Variants in CLGN observed in about 807,000 individuals in gnomAD.
CLGN encodes the protein testis tissue sperm-binding protein Li 79P.
CLGN carries 62 observed loss-of-function variants against 79.1 expected under a neutral mutation model. The ratio of observed to expected loss-of-function variants is 0.78; its 90% confidence interval spans 0.64 to 0.97. CLGN has a LOEUF of 0.97. Among genes scored for constraint, CLGN ranks in the 50% least tolerant of loss-of-function variants. The probability of loss-of-function intolerance (pLI) is 0.00; values close to 1 mark genes in which losing one functional copy is unlikely to be tolerated. For missense variants in CLGN, 647 were observed against 715.5 expected (o/e 0.90, Z 1.09); for synonymous variants, 225 against 224.7 (o/e 1.00, Z -0.01).
chr4:140,410,416 A>G (rs1169641510), intron 3 of CLGN, 137 bp downstream of exon 3: 1 of 642,636 alleles, frequency 1.6e-6, no homozygotes, highest in Admixed American at 2.9e-5. Context: ...TATACTAAGT[A>G]CTGATTTACA....
chr4:140,401,870 A>G (rs1729005833), intron 6 of CLGN, 115 bp downstream of exon 6: 3 of 608,560 alleles, frequency 4.9e-6, no homozygotes, highest in Middle Eastern at 4.4e-4. Flanking sequence ...TTGAAAAAAG[A>G]TATCTACAAT....
intron 1 of CLGN, among the ~76,000 whole-genome samples, chr4:140,416,959 C>T (rs1403310459): frequency 2.6e-5 from 4 of 152,170 alleles, no homozygotes; most frequent in Admixed American, 6.5e-5. Context: ...CAATAAAATA[C>T]TGCCAAACTG....
At chr4:140,424,259 T>C (rs1729521806) in intron 1 of CLGN, among the ~76,000 whole-genome samples, 1 of 152,206 alleles carries the variant, frequency 6.6e-6, no homozygotes, top group Non-Finnish European at 1.5e-5. Context: ...TTCTTGAGAC[T>C]TATTTGGCTC....
At chr4:140,421,373 C>A (rs1729466051) in intron 1 of CLGN, among the ~76,000 whole-genome samples, 1 of 152,068 alleles carries the variant, frequency 6.6e-6, no homozygotes. Context: ...AATCCTCATA[C>A]TGTTTTCCAC....
At chr4:140,425,761 T>A (rs374671429) in intron 1 of CLGN, among the ~76,000 whole-genome samples, 1 of 151,142 alleles carries the variant, frequency 6.6e-6, no homozygotes, top group African/African-American at 2.4e-5. Flanking sequence ...CCCGAGTAGC[T>A]GGGATTATAG....
intron 1 of CLGN, among the ~76,000 whole-genome samples, chr4:140,415,521 GA>G (rs1729311048): frequency 6.6e-6 from 1 of 151,528 alleles, no homozygotes; most frequent in African/African-American, 2.4e-5. Flanking sequence ...CCAAGCAAAT[GA>G]AAAACAAAAA....
chr4:140,404,234 C>CA (rs1729052259), intron 5 of CLGN, among the ~76,000 whole-genome samples: 1 of 151,984 alleles, frequency 6.6e-6, no homozygotes, highest in South Asian at 2.1e-4. Context: ...GCTGGGGCTA[C>CA]AGGCGCCTGC....
In CLGN at chr4:140,402,453, A is replaced by G. The variant is rs1024144213; in HGVS notation, c.420-387T>C. Reference sequence around the variant, plus strand: ...AAACTAAAAAAAAATAAAGGCCGTAAGAACCACAGCTACAGCAAGATTTCT... The same window carrying G: ...AAACTAAAAAAAAATAAAGGCCGTAGGAACCACAGCTACAGCAAGATTTCT... On this transcript the variant is annotated intron_variant, in intron 5 of 14. Transcript: ENST00000325617. Among the ~76,000 whole-genome samples the G allele has an allele frequency of 3.5e-4, 53 of 152,124 alleles. 1 individual carries two copies. Among genetic ancestry groups the G allele is most frequent in the Admixed American group, 3.2e-3 (49 of 15,286 alleles).
intron 1 of CLGN, among the ~76,000 whole-genome samples, chr4:140,418,060 T>C (rs1396609348): frequency 8.6e-5 from 13 of 151,092 alleles, no homozygotes; most frequent in African/African-American, 3.2e-4. Context: ...TATCTACAAC[T>C]ATCTGATCTT....
chr4:140,420,806 G>A (rs993174135), intron 1 of CLGN, among the ~76,000 whole-genome samples: 1 of 152,040 alleles, frequency 6.6e-6, no homozygotes, highest in African/African-American at 2.4e-5. Context: ...TCAGATGCTG[G>A]GGTAATACTA....
At chr4:140,411,711 T>A (rs1221440367) in intron 2 of CLGN, among the ~76,000 whole-genome samples, 1 of 152,126 alleles carries the variant, frequency 6.6e-6, no homozygotes. Context: ...ACGTAATTAC[T>A]GACAGGGTCA....
chr4:140,394,432 T>C (rs1026109214), intron 10 of CLGN, among the ~76,000 whole-genome samples: 27 of 152,226 alleles, frequency 1.8e-4, no homozygotes, highest in African/African-American at 6.0e-4. Flanking sequence ...CCATTTAACA[T>C]ATACCCATGA....
chr4:140,413,380 C>G (rs182429918), intron 1 of CLGN, among the ~76,000 whole-genome samples: 3 of 152,270 alleles, frequency 2.0e-5, no homozygotes, highest in Non-Finnish European at 2.9e-5. Flanking sequence ...GAACAGCTCC[C>G]GTCTACAGCT....
chr4:140,412,605 A>G (rs1255090621), intron 2 of CLGN, among the ~76,000 whole-genome samples: 1 of 152,094 alleles, frequency 6.6e-6, no homozygotes, highest in African/African-American at 2.4e-5. Flanking sequence ...ATAGCCTTTT[A>G]TTTGAAAAGA....
chr4:140,389,276 G>C lies in CLGN; in HGVS notation c.1781C>G (p.Ser594Cys). The C allele has an allele frequency of 6.2e-7, 1 of 1,612,364 alleles. No individual in the cohort carries two copies. Among genetic ancestry groups the C allele is most frequent in the Non-Finnish European group, 8.5e-7 (1 of 1,178,840 alleles). The stretch of plus-strand genomic sequence containing the variant: ...TACTGACTTTATCGGCCCATCTCCA[G>C]ATCCTGTGCTCTCATCTGCTTCTTT... ...EMKEADESTG[S>C]GDGPIKSVRK... is the part of the protein sequence containing the mutation. Residue 594 changes from serine (S) to cysteine (C), a missense_variant, in exon 15 of 15, where the codon TCT becomes TGT. Ser to Cys is a moderately radical substitution (Grantham distance 112). Coordinates refer to ENST00000325617, the MANE Select transcript of CLGN (RefSeq NM_004362.3).
At chr4:140,407,005 T>C (rs1286315671) in intron 4 of CLGN, among the ~76,000 whole-genome samples, 1 of 152,184 alleles carries the variant, frequency 6.6e-6, no homozygotes, top group Non-Finnish European at 1.5e-5. Flanking sequence ...AATGCTCTTA[T>C]ATCATTTTTT....
intron 11 of CLGN, 73 bp downstream of exon 11, chr4:140,393,753 T>C: frequency 7.6e-7 from 1 of 1,311,876 alleles, no homozygotes; most frequent in Non-Finnish European, 1.1e-6. Context: ...AAGAGCCATC[T>C]GAATAACCTA....
chr4:140,414,735 A>G (rs1247315100), intron 1 of CLGN, among the ~76,000 whole-genome samples: 114 of 142,262 alleles, frequency 8.0e-4, no homozygotes, highest in Middle Eastern at 7.5e-3. Context: ...TGGTGTACCT[A>G]AAAGTGATGG....
chr4:140,396,781 C>T (rs56351705), intron 8 of CLGN, among the ~76,000 whole-genome samples: 2 of 150,118 alleles, frequency 1.3e-5, no homozygotes, highest in African/African-American at 4.9e-5. Context: ...TGGTCTTGAA[C>T]TCCTAACGTC....
Sources: allele counts gnomAD v4.1 joint callset (sites outside exome capture counted in the v4.1 genomes callset), GRCh38; gene constraint gnomAD v4.1.1; transcripts MANE v1.5; gene names NCBI Gene and HGNC (gene_info 2026-07-23, HGNC 2026-07-21).